Variants in SFRP4 observed in about 807,000 individuals in gnomAD.
The protein encoded by SFRP4 is secreted frizzled related protein 4, also known as secreted frizzled-related protein 4.
SFRP4 carries 25 observed loss-of-function variants against 36.3 expected under a neutral mutation model. That is an observed-to-expected ratio of 0.69 (90% CI 0.50 to 0.96). The LOEUF (loss-of-function observed/expected upper bound fraction) is 0.96, where lower values mean the gene tolerates loss of function less well. Among genes scored for constraint, SFRP4 ranks in the 40% least tolerant of loss-of-function variants. SFRP4 has a pLI of 0.00. For missense variants in SFRP4, 487 were observed against 459.6 expected, an observed-to-expected ratio of 1.06 and a Z score of -0.54; for synonymous variants, 182 against 168.8, an observed-to-expected ratio of 1.08 and a Z score of -0.60.
Position 37,916,145 on chromosome 7 carries a change from A to G in SFRP4, c.393T>C (p.Tyr131=), listed in dbSNP as rs1379535238. ...ESLACDELPV[Y]DRGVCISPEA... ...CAGGCGAGATGCACACGCCACGGTC[A>G]TAGACAGGCAGCTCGTCGCAGGCCA... The change falls in exon 1 of 6, where the codon TAT becomes TAC. Residue 131 remains tyrosine, a synonymous_variant. Transcript: ENST00000436072. This position sits in a 1 kb window ranked among gnomAD's most constrained non-coding sequence, Gnocchi z 4.1. 2.5e-6 allele frequency: 4 copies of G among 1,614,096 alleles called. No homozygotes were observed. The South Asian group carries it at 3.3e-5, about 13-fold the overall frequency.
At position 37,914,371 on chromosome 7, in the gene SFRP4, AC is replaced by A; in HGVS notation, c.526+1del. On this transcript the variant is annotated splice_donor_variant, in intron 2 of 5. Transcript: ENST00000436072. LOFTEE classifies it high-confidence loss of function. ...GGGAACGTCCATGAAGAAAGAACTC[AC>A]CGGGGCTTAGGCGTTTACAGTCAAC... 6.2e-7 allele frequency: 1 copy of A among 1,613,254 alleles called. No individual in the cohort carries two copies. Among genetic ancestry groups the A allele is most frequent in the Non-Finnish European group, 8.5e-7 (1 of 1,179,180 alleles).
chr7:37,908,252 T>A (rs1785429546), intron 5 of SFRP4, among the ~76,000 whole-genome samples: 1 of 152,106 alleles, frequency 6.6e-6, no homozygotes, highest in Non-Finnish European at 1.5e-5. Flanking sequence ...TTCTGAAAAA[T>A]CAAGTTTCTC....
chr7:37,909,529 A>G, intron 5 of SFRP4, 88 bp downstream of exon 5: 1 of 725,016 alleles, frequency 1.4e-6, no homozygotes, highest in Non-Finnish European at 2.2e-6. Context: ...GAGCTTGGAG[A>G]TTAGAGAATG....
chr7:37,916,163 G>T lies in SFRP4; in HGVS notation c.375C>A (p.Cys125Ter). 1.9e-6 allele frequency: 3 copies of T among 1,614,102 alleles called. No homozygotes were observed. The highest frequency in any genetic ancestry group is 2.5e-6 in the Non-Finnish European group (3 of 1,180,046). ...CACGGTCATAGACAGGCAGCTCGTC[G>T]CAGGCCAGGCTTTCGGGCCAGCTGT... Reference protein sequence around the residue: ...YNHSWPESLACDELPVYDRGV... With the variant: ...YNHSWPESLA The change falls in exon 1 of 6, where the codon TGC becomes TGA. Residue 125 changes from cysteine to a stop codon, truncating the protein, a stop_gained. Coordinates refer to ENST00000436072, the MANE Select transcript of SFRP4 (RefSeq NM_003014.4). LOFTEE classifies it high-confidence loss of function. This position sits in a 1 kb window ranked among gnomAD's most constrained non-coding sequence, Gnocchi z 4.1.
rs887087560 is a variant in SFRP4, at chr7:37,916,098, G to T, written c.440C>A (p.Pro147Gln). 1.2e-5 allele frequency: 19 copies of T among 1,610,810 alleles called. No homozygotes were observed. Among genetic ancestry groups the T allele is most frequent in the Admixed American group, 1.7e-5 (1 of 59,956 alleles). ...CATCCTTCCTACGGCCTCACCCTCC[G>T]GGAGGTCCGTGACGATGGCTTCAGG... ...ISPEAIVTDLPEDVKWIDITP... is the reference protein window; with the variant it reads ...ISPEAIVTDLQEDVKWIDITP... The change falls in exon 1 of 6, where the codon CCG becomes CAG. Residue 147 changes from proline (P) to glutamine (Q), a missense_variant. Physicochemically the swap from Pro to Gln is moderately conservative, Grantham distance 76. Coordinates refer to ENST00000436072, the MANE Select transcript of SFRP4 (RefSeq NM_003014.4). This position sits in a 1 kb window ranked among gnomAD's most constrained non-coding sequence, Gnocchi z 4.1.
chr7:37,907,661 A>G lies in SFRP4; in HGVS notation c.859T>C (p.Trp287Arg). 3 of 1,605,416 alleles carry G rather than the reference A, an allele frequency of 1.9e-6. No individual in the cohort carries two copies. Among genetic ancestry groups the G allele is most frequent in the Non-Finnish European group, 2.6e-6 (3 of 1,176,430 alleles). The change falls in exon 6 of 6, where the codon TGG becomes CGG. Residue 287 changes from tryptophan to arginine, a missense_variant. Coordinates refer to ENST00000436072, the MANE Select transcript of SFRP4 (RefSeq NM_003014.4). Reference protein sequence around the residue: ...RDQLSKRSIQWEERLQEQRRT... With the variant: ...RDQLSKRSIQREERLQEQRRT... ...CGCTGTTCCTGCAGCCTCTCTTCCC[A>G]CTGCTGAAAAGCAATTTGTAAACAT...
intron 3 of SFRP4, 64 bp downstream of exon 3, chr7:37,914,149 A>G (rs1785538352): frequency 3.9e-6 from 5 of 1,273,944 alleles, no homozygotes. Context: ...GAGCGACCTT[A>G]TTGAGATTCC....
At position 37,916,774 on chromosome 7, in the gene SFRP4, C is replaced by G; in HGVS notation, c.-237G>C. ...TCTCAGCCTTCGGGGCGCGAACCCG[C>G]CCGGGCAGCTCCAGTCCCGGACTCC... is the stretch of plus-strand genomic sequence containing the variant. On this transcript the variant is annotated 5_prime_UTR_variant, in exon 1 of 6. Coordinates refer to ENST00000436072, the MANE Select transcript of SFRP4 (RefSeq NM_003014.4). This position sits in a 1 kb window ranked among gnomAD's most constrained non-coding sequence, Gnocchi z 4.1. 1.6e-6 allele frequency: 1 copy of G among 617,576 alleles called. No homozygotes were observed. The highest frequency in any genetic ancestry group is 2.0e-5 in the South Asian group (1 of 50,030). 38.3% of individuals were successfully genotyped at this position (617,576 alleles called of 1,614,324 possible).
intron 5 of SFRP4, among the ~76,000 whole-genome samples, chr7:37,908,860 A>G (rs560173561): frequency 6.6e-5 from 10 of 152,150 alleles, no homozygotes; most frequent in Non-Finnish European, 1.0e-4. Flanking sequence ...ATTCTCCATA[A>G]CTCAATTGTT....
At position 37,905,982 on chromosome 7, in the gene SFRP4, G is replaced by T. The variant is rs1785388669; in HGVS notation, c.*1497C>A. 1 of 152,134 alleles carries T rather than the reference G, an allele frequency of 6.6e-6. No individual in the cohort carries two copies. Among genetic ancestry groups the T allele is most frequent in the African/African-American group, 2.4e-5 (1 of 41,440 alleles). The allele number at this position is 152,134 out of a possible 1,614,324, so 9.4% of individuals were successfully genotyped here. ...TATTGTCAGTGAAGAAACCACCTAAGTATCCAATAGCACAACAGTTTGTTG... is the reference window on the plus strand; with the variant it reads ...TATTGTCAGTGAAGAAACCACCTAATTATCCAATAGCACAACAGTTTGTTG... On this transcript the variant is annotated 3_prime_UTR_variant, in exon 6 of 6. Coordinates refer to ENST00000436072, the MANE Select transcript of SFRP4 (RefSeq NM_003014.4).
intron 3 of SFRP4, among the ~76,000 whole-genome samples, chr7:37,913,341 G>A (rs1006072475): frequency 1.3e-5 from 2 of 152,018 alleles, no homozygotes; most frequent in African/African-American, 4.8e-5. Context: ...GTATCCTAAA[G>A]TTTCTTACTG....
At position 37,907,143 on chromosome 7, in the gene SFRP4, C is replaced by A. The variant is rs1785408012; in HGVS notation, c.*336G>T. ...TGTTTGAAATATGGCATTTATTTTA[C>A]AATGCACATATTAGGTCGAATTGTA... On this transcript the variant is annotated 3_prime_UTR_variant, in exon 6 of 6. Coordinates refer to ENST00000436072, the MANE Select transcript of SFRP4 (RefSeq NM_003014.4). 1 of 182,420 alleles carries A rather than the reference C, an allele frequency of 5.5e-6. No individual in the cohort carries two copies. The allele number at this position is 182,420 out of a possible 1,614,324, so 11.3% of individuals were successfully genotyped here. A position where few individuals can be genotyped will look rare whatever the true frequency, so the allele number is the denominator to read the frequency against.
In SFRP4 at chr7:37,916,502, C is replaced by A. The variant is rs762924097; in HGVS notation, c.36G>T (p.Trp12Cys). The A allele has an allele frequency of 3.7e-6, 6 of 1,611,778 alleles. No individual in the cohort carries two copies. The highest frequency in any genetic ancestry group is 2.2e-5 in the South Asian group (2 of 91,004). The change falls in exon 1 of 6, where the codon TGG (tryptophan) becomes TGT (cysteine). Residue 12 changes from tryptophan to cysteine, a missense_variant. Trp to Cys is a radical substitution (Grantham distance 215). Coordinates refer to ENST00000436072, the MANE Select transcript of SFRP4 (RefSeq NM_003014.4). The surrounding 1 kb of genome is among the most constrained non-coding windows in gnomAD (Gnocchi z 4.1). ...FLSILVALCLWLHLALGVRGA... is the reference protein window; with the variant it reads ...FLSILVALCLCLHLALGVRGA... ...CGCGCACGCCCAGCGCCAGGTGCAG[C>A]CACAGGCACAGCGCCACTAGGATGG...
intron 3 of SFRP4, 137 bp downstream of exon 3, chr7:37,914,076 A>G (rs1218075619): frequency 8.9e-6 from 6 of 673,244 alleles, no homozygotes. Context: ...AATAGAATTC[A>G]CATGATCAAC....
intron 3 of SFRP4, among the ~76,000 whole-genome samples, chr7:37,912,719 G>A (rs762773222): frequency 6.6e-6 from 1 of 152,184 alleles, no homozygotes; most frequent in Non-Finnish European, 1.5e-5. Context: ...TGATGCTTGA[G>A]CTTCTTCTGT....
At position 37,916,149 on chromosome 7, in the gene SFRP4, ACAGGCAGCTCGTCG is replaced by A; in HGVS notation, c.375_388del (p.Asp126LeufsTer2). The stretch of plus-strand genomic sequence containing the variant: ...CGAGATGCACACGCCACGGTCATAG[ACAGGCAGCTCGTCG>A]CAGGCCAGGCTTTCGGGCCAGCTGT... On this transcript the variant is annotated frameshift_variant, in exon 1 of 6. Transcript: ENST00000436072. LOFTEE classifies it high-confidence loss of function. The surrounding 1 kb of genome is among the most constrained non-coding windows in gnomAD (Gnocchi z 4.1). 1 of 1,613,992 alleles carries A rather than the reference ACAGGCAGCTCGTCG, an allele frequency of 6.2e-7. No homozygotes were observed. Among genetic ancestry groups the A allele is most frequent in the Non-Finnish European group, 8.5e-7 (1 of 1,180,018 alleles).
chr7:37,909,997 A>C (rs1301190878), intron 4 of SFRP4, among the ~76,000 whole-genome samples: 1 of 151,962 alleles, frequency 6.6e-6, no homozygotes, highest in Non-Finnish European at 1.5e-5. Context: ...GATATCCATA[A>C]TATATCTATC....
rs1429283335 is a variant in SFRP4, at chr7:37,916,528, A to T, written c.10T>A (p.Ser4Thr). 6.2e-7 allele frequency: 1 copy of T among 1,608,338 alleles called. No individual in the cohort carries two copies. The highest frequency in any genetic ancestry group is 8.5e-7 in the Non-Finnish European group (1 of 1,179,296). The stretch of plus-strand genomic sequence containing the variant: ...CACAGGCACAGCGCCACTAGGATGG[A>T]GAGGAACATGGCACTGCCCTCTCGC... MFL[S>T]ILVALCLWLH... The change falls in exon 1 of 6, where the codon TCC (serine) becomes ACC (threonine). Residue 4 changes from serine (S) to threonine (T), a missense_variant. Ser to Thr is a moderately conservative substitution (Grantham distance 58). Transcript: ENST00000436072. This position sits in a 1 kb window ranked among gnomAD's most constrained non-coding sequence, Gnocchi z 4.1.
Position 37,916,692 on chromosome 7 carries a change from G to T in SFRP4, c.-155C>A, listed in dbSNP as rs1041386911. On this transcript the variant is annotated 5_prime_UTR_variant, in exon 1 of 6. Coordinates refer to ENST00000436072, the MANE Select transcript of SFRP4 (RefSeq NM_003014.4). The surrounding 1 kb of genome is among the most constrained non-coding windows in gnomAD (Gnocchi z 4.1). Reference sequence around the variant, plus strand: ...CTCCAGTCGGCAGCAAAGCGGGGCCGCGGGGTCCGGCCGCGGAGCTCCGCC... The same window carrying T: ...CTCCAGTCGGCAGCAAAGCGGGGCCTCGGGGTCCGGCCGCGGAGCTCCGCC... 3.4e-6 allele frequency: 4 copies of T among 1,173,132 alleles called. No individual in the cohort carries two copies. The highest frequency in any genetic ancestry group is 2.6e-5 in the East Asian group (1 of 38,754). The allele number at this position is 1,173,132 out of a possible 1,614,324, so 72.7% of individuals were successfully genotyped here.
Sources: gnomAD v4.1 joint callset for allele counts (sites outside exome capture counted in the v4.1 genomes callset) on GRCh38, gnomAD v4.1.1 for gene constraint, Gnocchi (gnomAD v3.1) non-coding constraint, MANE v1.5 for transcripts, NCBI Gene and HGNC (gene_info 2026-07-23, HGNC 2026-07-21) for gene names.